NRG1: variants seen among roughly 807,000 people sequenced by gnomAD.
The protein encoded by NRG1 is pro-neuregulin-1, membrane-bound isoform.
Under a neutral mutation model 63.8 loss-of-function variants are expected in NRG1, and 18 were observed. The ratio of observed to expected loss-of-function variants is 0.28; its 90% CI spans 0.19 to 0.42. NRG1 has a LOEUF of 0.42. Among genes scored for constraint, NRG1 ranks in the 10% least tolerant of loss-of-function variants. The pLI, the probability that NRG1 is intolerant of heterozygous loss-of-function variation, is 1.00. For missense variants in NRG1, 762 were observed against 814.7 expected (o/e 0.94, Z 0.79); for synonymous variants, 302 against 301.3 (o/e 1.00, Z -0.02).
chr8:31,828,624 G>A (rs535755031), intron 1 of NRG1, among the ~76,000 whole-genome samples: 1 of 152,160 alleles, frequency 6.6e-6, no homozygotes, highest in Non-Finnish European at 1.5e-5. Flanking sequence ...AGGTCAGGGA[G>A]CCCTGGGAAT....
chr8:31,642,994 G>T (rs1378250843), intron 1 of NRG1, among the ~76,000 whole-genome samples: 1 of 151,884 alleles, frequency 6.6e-6, no homozygotes, highest in Non-Finnish European at 1.5e-5. Context: ...GTGTGTGTGT[G>T]TGTGTGAGAG....
intron 5 of NRG1, among the ~76,000 whole-genome samples, chr8:32,727,523 A>G (rs1488620693): frequency 1.3e-5 from 2 of 152,216 alleles, no homozygotes; most frequent in Admixed American, 1.3e-4. Flanking sequence ...CATGTAAAAC[A>G]TTTCAAAAAT....
At chr8:31,744,355 G>T (rs578151804) in intron 1 of NRG1, among the ~76,000 whole-genome samples, 4 of 152,116 alleles carry the variant, frequency 2.6e-5, no homozygotes, top group Admixed American at 2.6e-4. Flanking sequence ...GAACCTAAAA[G>T]TACTTTCATA....
intron 1 of NRG1, among the ~76,000 whole-genome samples, chr8:31,883,912 C>T (rs1448973431): frequency 6.6e-6 from 1 of 152,072 alleles, no homozygotes; most frequent in African/African-American, 2.4e-5. Context: ...CTTTGGTTGG[C>T]ACTTAGAATA....
chr8:31,841,995 C>T (rs950973848), intron 1 of NRG1, among the ~76,000 whole-genome samples: 2 of 152,260 alleles, frequency 1.3e-5, no homozygotes, highest in Non-Finnish European at 2.9e-5. Context: ...CTGTGCCTTC[C>T]CTCCTCCTCC....
intron 1 of NRG1, among the ~76,000 whole-genome samples, chr8:32,537,354 G>A (rs536014773): frequency 2.2e-4 from 34 of 152,194 alleles, no homozygotes; most frequent in Non-Finnish European, 4.1e-4. Context: ...AGAAAGGGAT[G>A]ATAAGAGAAG....
chr8:32,745,615 A>T (rs1462763582), intron 7 of NRG1, among the ~76,000 whole-genome samples: 4 of 152,162 alleles, frequency 2.6e-5, no homozygotes, highest in Non-Finnish European at 5.9e-5. Context: ...AATTTGACCT[A>T]ACTTGACACA....
chr8:32,478,693 G>A (rs1280576612), intron 1 of NRG1, among the ~76,000 whole-genome samples: 7 of 152,154 alleles, frequency 4.6e-5, no homozygotes, highest in Non-Finnish European at 4.4e-5. Flanking sequence ...ATGACAGCGG[G>A]ATAAAGACAA....
At chr8:32,701,645 A>G (rs1159834856) in intron 5 of NRG1, among the ~76,000 whole-genome samples, 1 of 152,248 alleles carries the variant, frequency 6.6e-6, no homozygotes, top group Non-Finnish European at 1.5e-5. Context: ...ACTAAAGTGA[A>G]TGTTTTCAAC....
intron 1 of NRG1, among the ~76,000 whole-genome samples, chr8:31,752,651 G>T (rs1464486601): frequency 6.6e-6 from 1 of 152,048 alleles, no homozygotes; most frequent in Non-Finnish European, 1.5e-5. Context: ...GGGATGTGAG[G>T]AGGAGATGAA....
intron 1 of NRG1, among the ~76,000 whole-genome samples, chr8:32,372,440 T>C (rs1434726731): frequency 6.6e-6 from 1 of 152,142 alleles, no homozygotes; most frequent in Non-Finnish European, 1.5e-5. Flanking sequence ...GATTGCAGAA[T>C]TTCATGTAAA....
At chr8:32,030,770 A>G (rs959361972) in intron 1 of NRG1, among the ~76,000 whole-genome samples, 42 of 152,314 alleles carry the variant, frequency 2.8e-4, no homozygotes, top group African/African-American at 1.0e-3. Flanking sequence ...ATGCTTTAGC[A>G]TCATTTCAGA....
chr8:32,057,531 G>A (rs573925364), intron 1 of NRG1, among the ~76,000 whole-genome samples: 2 of 152,096 alleles, frequency 1.3e-5, no homozygotes, highest in Non-Finnish European at 2.9e-5. Flanking sequence ...GTCAAAACAA[G>A]ATACATCAGG....
intron 1 of NRG1, among the ~76,000 whole-genome samples, chr8:32,446,123 A>G (rs1020591952): frequency 6.6e-6 from 1 of 152,188 alleles, no homozygotes; most frequent in Non-Finnish European, 1.5e-5. Flanking sequence ...ACACATATAG[A>G]GCACTATTGG....
intron 1 of NRG1, among the ~76,000 whole-genome samples, chr8:32,044,762 A>G (rs149467212): frequency 0.012 from 1,802 of 151,778 alleles, 16 homozygotes; most frequent in Non-Finnish European, 0.02. Context: ...CAAACTGCAT[A>G]GAAATGAAAG....
At chr8:32,269,893 C>A (rs921681183) in intron 1 of NRG1, among the ~76,000 whole-genome samples, 1 of 152,114 alleles carries the variant, frequency 6.6e-6, no homozygotes, top group Non-Finnish European at 1.5e-5. Context: ...GCCTAAGAAG[C>A]AATTTAACAA....
chr8:31,648,705 G>A (rs952593099), intron 1 of NRG1, among the ~76,000 whole-genome samples: 1 of 152,024 alleles, frequency 6.6e-6, no homozygotes, highest in South Asian at 2.1e-4. Flanking sequence ...TGTCCTCAAG[G>A]TTCATCATGT....
intron 1 of NRG1, among the ~76,000 whole-genome samples, chr8:31,754,251 A>G (rs1816752177): frequency 6.6e-6 from 1 of 152,100 alleles, no homozygotes; most frequent in Non-Finnish European, 1.5e-5. Flanking sequence ...CCAATGTTGG[A>G]GGTGGGGCCT....
At chr8:32,327,886 T>G (rs1802196438) in intron 1 of NRG1, among the ~76,000 whole-genome samples, 1 of 152,180 alleles carries the variant, frequency 6.6e-6, no homozygotes, top group Non-Finnish European at 1.5e-5. Context: ...CCATATTGGC[T>G]AGAAATTTGG....
Sources: gnomAD v4.1 joint callset for allele counts (sites outside exome capture counted in the v4.1 genomes callset) on GRCh38, gnomAD v4.1.1 for gene constraint, MANE v1.5 for transcripts, NCBI Gene and HGNC (gene_info 2026-07-23, HGNC 2026-07-21) for gene names.